POR: variants seen among roughly 807,000 people sequenced by gnomAD.
POR encodes cytochrome p450 oxidoreductase, also known as NADPH--cytochrome P450 reductase.
Under a neutral mutation model 84.0 loss-of-function variants are expected in POR, and 56 were observed. The ratio of observed to expected loss-of-function variants is 0.67; its 90% CI spans 0.54 to 0.83. The LOEUF (loss-of-function observed/expected upper bound fraction) is 0.83. Among genes scored for constraint, POR ranks in the 40% least tolerant of loss-of-function variants. POR has a pLI of 0.00. For synonymous variants in POR, 414 were observed against 400.5 expected, an observed-to-expected ratio of 1.03 and a Z score of -0.40; for missense variants, 938 against 944.3, an observed-to-expected ratio of 0.99 and a Z score of 0.09.
At chr7:75,920,825 A>G (rs150373408) in intron 1 of POR, among the ~76,000 whole-genome samples, 8 of 152,264 alleles carry the variant, frequency 5.3e-5, no homozygotes, top group African/African-American at 1.7e-4. Context: ...TGAGTTTTCA[A>G]CACTGCAAAC....
chr7:75,964,075 C>T (rs1400807952), intron 2 of POR, among the ~76,000 whole-genome samples: 1 of 151,554 alleles, frequency 6.6e-6, no homozygotes, highest in Non-Finnish European at 1.5e-5. Context: ...TCTTGGCTCA[C>T]TGCAACCTCT....
At chr7:75,946,471 A>G (rs901289828) in intron 1 of POR, among the ~76,000 whole-genome samples, 5 of 152,114 alleles carry the variant, frequency 3.3e-5, no homozygotes, top group African/African-American at 1.2e-4. Flanking sequence ...ATTTTGTGGT[A>G]GAAGTGGGGT....
chr7:75,977,973 A>C (rs1554557087), intron 3 of POR, among the ~76,000 whole-genome samples: 1 of 152,132 alleles, frequency 6.6e-6, no homozygotes, highest in Non-Finnish European at 1.5e-5. Context: ...GGCTCTGGGG[A>C]ATAGGATTTC....
intron 2 of POR, among the ~76,000 whole-genome samples, chr7:75,968,712 T>C (rs1788297466): frequency 6.6e-6 from 1 of 152,184 alleles, no homozygotes; most frequent in African/African-American, 2.4e-5. Context: ...TGGGTTCCCT[T>C]TTCCCCCCTG....
At chr7:75,941,330 C>T (rs550630445) in intron 1 of POR, among the ~76,000 whole-genome samples, 1 of 152,304 alleles carries the variant, frequency 6.6e-6, no homozygotes, top group Non-Finnish European at 1.5e-5. Flanking sequence ...CTCGAGACAG[C>T]ATGGACATGG....
intron 1 of POR, chr7:75,923,103 T>C: frequency 3.9e-6 from 3 of 774,460 alleles, no homozygotes; most frequent in Non-Finnish European, 6.8e-6. Flanking sequence ...ATGCAGCGTA[T>C]AGTATGTAAC....
At chr7:75,924,589 C>T (rs1217551345) in intron 1 of POR, among the ~76,000 whole-genome samples, 1 of 152,048 alleles carries the variant, frequency 6.6e-6, no homozygotes, top group African/African-American at 2.4e-5. Context: ...CCTGTCATCC[C>T]AACTACTTGG....
At chr7:75,932,187 T>C (rs1352934357) in intron 1 of POR, among the ~76,000 whole-genome samples, 5 of 152,116 alleles carry the variant, frequency 3.3e-5, no homozygotes, top group East Asian at 1.9e-4. Flanking sequence ...AAATTCTTTT[T>C]TTTTTTTTTT....
At chr7:75,930,947 T>C (rs1233391754) in intron 1 of POR, among the ~76,000 whole-genome samples, 2 of 152,156 alleles carry the variant, frequency 1.3e-5, no homozygotes, top group Non-Finnish European at 2.9e-5. Context: ...CTCAGCCTCC[T>C]GAGTAGCGGG....
intron 4 of POR, among the ~76,000 whole-genome samples, 157 bp from the exon 5 acceptor site, chr7:75,980,182 C>G (rs1179177532): frequency 2.0e-5 from 3 of 152,206 alleles, no homozygotes; most frequent in Non-Finnish European, 4.4e-5. Context: ...CATGCCCCAG[C>G]CCCTCCGTGT....
chr7:75,979,929 A>G, intron 4 of POR: 1 of 378,628 alleles, frequency 2.6e-6, no homozygotes, highest in Admixed American at 3.9e-5. Flanking sequence ...ACTACCCCAC[A>G]GCCCTCTCCA....
At chr7:75,968,277 G>A (rs1554555637) in intron 2 of POR, 1 of 468,164 alleles carries the variant, frequency 2.1e-6, no homozygotes, top group Admixed American at 2.3e-5. Context: ...TTAACAGCAA[G>A]GTCAGCCATT....
chr7:75,952,772 A>C (rs1446311664), intron 1 of POR, among the ~76,000 whole-genome samples: 1 of 142,940 alleles, frequency 7.0e-6, no homozygotes, highest in African/African-American at 2.7e-5. Context: ...ATGGCGGTGG[A>C]GAAGAGGCGC....
intron 1 of POR, among the ~76,000 whole-genome samples, chr7:75,952,600 T>C (rs1787490796): frequency 1.4e-5 from 2 of 142,372 alleles, no homozygotes; most frequent in African/African-American, 5.3e-5. Flanking sequence ...TCCTCACTTC[T>C]CAGACGGGGC....
chr7:75,983,107 G>A (rs1789157885), intron 8 of POR, among the ~76,000 whole-genome samples: 2 of 152,220 alleles, frequency 1.3e-5, no homozygotes, highest in African/African-American at 2.4e-5. Context: ...CTGGGAGGCC[G>A]AGGTGGGTGA....
chr7:75,919,846 A>G (rs1396982835), intron 1 of POR, among the ~76,000 whole-genome samples: 1 of 152,010 alleles, frequency 6.6e-6, no homozygotes. Flanking sequence ...TAAAGAGGTG[A>G]CTTGGATAGG....
intron 10 of POR, 123 bp downstream of exon 10, chr7:75,983,979 C>T (rs781946056): frequency 2.6e-5 from 18 of 701,438 alleles, no homozygotes; most frequent in Admixed American, 1.2e-4. Flanking sequence ...GCCCTTGCAC[C>T]GAGACTCCAC....
intron 1 of POR, among the ~76,000 whole-genome samples, chr7:75,943,460 T>G (rs191437019): frequency 6.6e-6 from 1 of 152,304 alleles, no homozygotes; most frequent in Admixed American, 6.5e-5. Context: ...CAACTTAGGT[T>G]AAGTCCATGA....
At chr7:75,980,566 A>C in intron 5 of POR, 78 bp downstream of exon 5, 1 of 1,611,610 alleles carries the variant, frequency 6.2e-7, no homozygotes, top group Admixed American at 1.7e-5. Flanking sequence ...ATGTATCTGA[A>C]AGGCAGCCCT....
Sources: allele counts gnomAD v4.1 joint callset (sites outside exome capture counted in the v4.1 genomes callset), GRCh38; gene constraint gnomAD v4.1.1; transcripts MANE v1.5; gene names NCBI Gene and HGNC (gene_info 2026-07-23, HGNC 2026-07-21).